The following OPCML variants were observed in gnomAD, a reference collection of about 807,000 sequenced individuals.
OPCML encodes the protein opioid-binding protein/cell adhesion molecule.
OPCML carries 13 observed loss-of-function variants against 37.8 expected under a neutral mutation model. The ratio of observed to expected loss-of-function variants is 0.34; its 90% CI spans 0.22 to 0.55. The LOEUF (loss-of-function observed/expected upper bound fraction) is 0.55. Among genes scored for constraint, OPCML ranks in the 20% least tolerant of loss-of-function variants. The probability of loss-of-function intolerance (pLI) is 0.91; values close to 1 mark genes in which losing one functional copy is unlikely to be tolerated. For missense variants in OPCML, 341 were observed against 435.6 expected, an observed-to-expected ratio of 0.78 and a Z score of 1.93; for synonymous variants, 176 against 168.8, an observed-to-expected ratio of 1.04 and a Z score of -0.33.
intron 1 of OPCML, among the ~76,000 whole-genome samples, chr11:133,473,212 C>G (rs1204132944): frequency 6.6e-6 from 1 of 152,144 alleles, no homozygotes. Context: ...AGGTTAATAG[C>G]AGGAAACAGC....
At chr11:133,348,321 G>A (rs998542497) in intron 1 of OPCML, among the ~76,000 whole-genome samples, 2 of 152,208 alleles carry the variant, frequency 1.3e-5, no homozygotes, top group African/African-American at 2.4e-5. Flanking sequence ...CAAGGACTGT[G>A]CCTAATTCAT....
intron 1 of OPCML, among the ~76,000 whole-genome samples, chr11:133,076,173 CTTCA>C (rs1359899124): frequency 1.3e-5 from 2 of 151,954 alleles, no homozygotes; most frequent in East Asian, 1.9e-4. Context: ...TTATTTTGTA[CTTCA>C]TTTACTTAAT....
chr11:133,075,961 T>C (rs1337918460), intron 1 of OPCML, among the ~76,000 whole-genome samples: 1 of 152,222 alleles, frequency 6.6e-6, no homozygotes, highest in Non-Finnish European at 1.5e-5. Flanking sequence ...TTGGGATGAC[T>C]TAAAGGATAT....
intron 1 of OPCML, among the ~76,000 whole-genome samples, chr11:133,138,145 C>G (rs1442050833): frequency 6.6e-6 from 1 of 152,084 alleles, no homozygotes; most frequent in Non-Finnish European, 1.5e-5. Context: ...GAATTAGTTC[C>G]AGAAAGAGTG....
intron 1 of OPCML, among the ~76,000 whole-genome samples, chr11:133,373,095 T>C (rs1486696488): frequency 6.6e-6 from 1 of 152,110 alleles, no homozygotes; most frequent in East Asian, 1.9e-4. Flanking sequence ...AATATAGTCA[T>C]GCTTCATTTC....
intron 3 of OPCML, among the ~76,000 whole-genome samples, chr11:132,630,503 A>G (rs1229386594): frequency 6.6e-6 from 1 of 152,046 alleles, no homozygotes; most frequent in Non-Finnish European, 1.5e-5. Flanking sequence ...TTAAATTGAT[A>G]AGTTGAAAGA....
intron 2 of OPCML, among the ~76,000 whole-genome samples, chr11:132,871,017 C>A (rs12805817): frequency 6.6e-6 from 1 of 151,900 alleles, no homozygotes; most frequent in Non-Finnish European, 1.5e-5. Context: ...ACAATGTTTC[C>A]TGTTCCTGAA....
chr11:133,310,056 T>G (rs550612335), intron 1 of OPCML, among the ~76,000 whole-genome samples: 1 of 152,242 alleles, frequency 6.6e-6, no homozygotes, highest in East Asian at 1.9e-4. Context: ...ATCTAGAAAT[T>G]TGTTAGAGAC....
intron 1 of OPCML, among the ~76,000 whole-genome samples, chr11:133,241,008 G>A (rs368458721): frequency 2.0e-5 from 3 of 151,900 alleles, no homozygotes; most frequent in Admixed American, 6.6e-5. Context: ...TATCTTACTC[G>A]CCCTTAAAGA....
chr11:132,779,501 C>T (rs1946922313), intron 2 of OPCML, among the ~76,000 whole-genome samples: 1 of 147,992 alleles, frequency 6.8e-6, no homozygotes, highest in Non-Finnish European at 1.5e-5. Context: ...TTGTGGGAAA[C>T]TCTTCAAAGA....
At chr11:132,611,988 G>A (rs1938675339) in intron 3 of OPCML, among the ~76,000 whole-genome samples, 1 of 152,160 alleles carries the variant, frequency 6.6e-6, no homozygotes, top group South Asian at 2.1e-4. Flanking sequence ...CACAGCCAGA[G>A]AAGGGTTCTG....
At chr11:133,209,466 A>C (rs1348544236) in intron 1 of OPCML, among the ~76,000 whole-genome samples, 5 of 151,584 alleles carry the variant, frequency 3.3e-5, no homozygotes, top group Non-Finnish European at 7.4e-5. Flanking sequence ...CCATCCAAAG[A>C]AACCCATGGG....
At chr11:133,242,309 G>A (rs1159162332) in intron 1 of OPCML, among the ~76,000 whole-genome samples, 1 of 152,218 alleles carries the variant, frequency 6.6e-6, no homozygotes, top group Non-Finnish European at 1.5e-5. Context: ...CGAGTTAAGT[G>A]TCTTTGGTGT....
intron 4 of OPCML, among the ~76,000 whole-genome samples, chr11:132,495,078 T>C (rs1034545416): frequency 6.6e-6 from 1 of 152,090 alleles, no homozygotes; most frequent in African/African-American, 2.4e-5. Context: ...CTCCTTTGAA[T>C]CTCTCTTCTT....
intron 1 of OPCML, among the ~76,000 whole-genome samples, chr11:133,322,739 C>T (rs1943361743): frequency 2.6e-5 from 4 of 152,146 alleles, no homozygotes; most frequent in Admixed American, 2.0e-4. Flanking sequence ...ATCCAATCCG[C>T]CACCCAAGGC....
chr11:132,972,649 C>G (rs1368149332), intron 1 of OPCML, among the ~76,000 whole-genome samples: 1 of 152,132 alleles, frequency 6.6e-6, no homozygotes, highest in Non-Finnish European at 1.5e-5. Flanking sequence ...ATGTCTCTTT[C>G]CTCCATTTCC....
intron 2 of OPCML, among the ~76,000 whole-genome samples, chr11:132,878,664 T>A (rs952315738): frequency 1.2e-4 from 19 of 152,202 alleles, no homozygotes; most frequent in African/African-American, 4.6e-4. Context: ...TATGTAGAGA[T>A]ACATATATAA....
At chr11:132,959,785 C>T (rs10894631) in intron 1 of OPCML, among the ~76,000 whole-genome samples, 7,010 of 152,262 alleles carry the variant, frequency 0.046, 213 homozygotes, top group Non-Finnish European at 0.07. Flanking sequence ...AGAGAGAATA[C>T]TTCAGGACAC....
At chr11:132,584,834 T>G (rs1407383594) in intron 3 of OPCML, among the ~76,000 whole-genome samples, 1 of 152,238 alleles carries the variant, frequency 6.6e-6, no homozygotes, top group Non-Finnish European at 1.5e-5. Context: ...AAAGTGTCTC[T>G]GTGCCTGCCA....
Sources: allele counts gnomAD v4.1 joint callset (sites outside exome capture counted in the v4.1 genomes callset), GRCh38; gene constraint gnomAD v4.1.1; transcripts MANE v1.5; gene names NCBI Gene and HGNC (gene_info 2026-07-23, HGNC 2026-07-21).